Variants in ULK4 observed in about 807,000 individuals in gnomAD.
The protein encoded by ULK4 is unc-51 like kinase 4, also known as inactive serine/threonine-protein kinase ULK4.
A neutral mutation model predicts 160.6 loss-of-function variants in ULK4; 133 were observed. That is an observed-to-expected ratio of 0.83 (90% CI 0.72 to 0.96). The LOEUF (loss-of-function observed/expected upper bound fraction) is 0.96. Ranked by LOEUF, ULK4 falls within the 40% of genes least tolerant of loss-of-function variation. ULK4 has a pLI of 0.00. For missense variants in ULK4, 1,580 were observed against 1,499.5 expected, an observed-to-expected ratio of 1.05 and a Z score of -0.89; for synonymous variants, 534 against 539.8, an observed-to-expected ratio of 0.99 and a Z score of 0.15.
At chr3:41,673,059 C>CA (rs1486909296) in intron 29 of ULK4, among the ~76,000 whole-genome samples, 15 of 152,114 alleles carry the variant, frequency 9.9e-5, no homozygotes, top group Admixed American at 1.3e-4. Flanking sequence ...AGGCTGGTCT[C>CA]AAACTCCTGG....
chr3:41,562,049 T>C (rs6772549), intron 32 of ULK4, among the ~76,000 whole-genome samples: 42,216 of 152,108 alleles, frequency 0.28, 6,290 homozygotes, highest in African/African-American at 0.38. Context: ...CCAGAGATTC[T>C]GGTACGTTGT....
At chr3:41,353,476 G>A (rs1323139897) in intron 35 of ULK4, among the ~76,000 whole-genome samples, 1 of 151,892 alleles carries the variant, frequency 6.6e-6, no homozygotes, top group Non-Finnish European at 1.5e-5. Context: ...ACCACCCTGG[G>A]CAACATAGCG....
chr3:41,537,019 A>G (rs2086525199), intron 32 of ULK4, among the ~76,000 whole-genome samples: 1 of 152,218 alleles, frequency 6.6e-6, no homozygotes, highest in Non-Finnish European at 1.5e-5. Context: ...AGATTGTTTA[A>G]TGTCAATTTG....
chr3:41,946,806 G>A (rs764405121), intron 2 of ULK4, among the ~76,000 whole-genome samples: 1 of 152,062 alleles, frequency 6.6e-6, no homozygotes, highest in South Asian at 2.1e-4. Flanking sequence ...TACAGGAGAG[G>A]GTGGCATTTG....
At chr3:41,569,306 C>T (rs2087890354) in intron 31 of ULK4, among the ~76,000 whole-genome samples, 1 of 152,126 alleles carries the variant, frequency 6.6e-6, no homozygotes, top group Non-Finnish European at 1.5e-5. Flanking sequence ...GTTTTCAGCC[C>T]TCTAATGTTG....
intron 22 of ULK4, among the ~76,000 whole-genome samples, chr3:41,753,885 C>A (rs1307544702): frequency 1.3e-5 from 2 of 152,140 alleles, no homozygotes; most frequent in Non-Finnish European, 1.5e-5. Context: ...AGGAAACTTA[C>A]AACAATGGCA....
chr3:41,581,710 G>C (rs2030356792), intron 31 of ULK4, among the ~76,000 whole-genome samples: 1 of 152,128 alleles, frequency 6.6e-6, no homozygotes, highest in Non-Finnish European at 1.5e-5. Flanking sequence ...TCCCATCCAG[G>C]GCATGGTAGG....
At chr3:41,862,764 A>ACT (rs2042530757) in intron 17 of ULK4, among the ~76,000 whole-genome samples, 1 of 110,960 alleles carries the variant, frequency 9.0e-6, no homozygotes, top group African/African-American at 5.2e-5. Context: ...TCAGTCAGTC[A>ACT]GTCTCTCTCT....
At chr3:41,827,354 C>A (rs145684897) in intron 18 of ULK4, among the ~76,000 whole-genome samples, 37,703 of 150,438 alleles carry the variant, frequency 0.25, 5,893 homozygotes, top group African/African-American at 0.45. Context: ...CCCTTCAAAA[C>A]AATCAGTGAA....
intron 34 of ULK4, among the ~76,000 whole-genome samples, chr3:41,444,037 C>A (rs2083234685): frequency 6.6e-6 from 1 of 152,056 alleles, no homozygotes; most frequent in South Asian, 2.1e-4. Context: ...TTCTGTACTT[C>A]TGATTATTAC....
At chr3:41,852,741 C>T (rs1249675489) in intron 17 of ULK4, among the ~76,000 whole-genome samples, 5 of 152,064 alleles carry the variant, frequency 3.3e-5, no homozygotes, top group African/African-American at 1.2e-4. Context: ...TTGGTGACCT[C>T]GAAATGACCT....
chr3:41,632,797 G>A (rs2033802460), intron 30 of ULK4, among the ~76,000 whole-genome samples: 1 of 151,924 alleles, frequency 6.6e-6, no homozygotes, highest in Non-Finnish European at 1.5e-5. Flanking sequence ...ACAAATTAAG[G>A]CAGAAAGAAC....
At chr3:41,859,245 G>C in intron 17 of ULK4, 1 of 545,142 alleles carries the variant, frequency 1.8e-6, no homozygotes, top group Non-Finnish European at 3.5e-6. Context: ...TGACCAAAAT[G>C]GGCAAGTCAA....
chr3:41,473,661 C>CAAAAAAA lies in ULK4; in HGVS notation c.3227-10409_3227-10408insTTTTTTT, dbSNP rs1294599838. ...TGGGCAACAGAATGAGATTCTGTCT[C>CAAAAAAA]AAAGAAAAAAAAAAAAAAAAAAAGA... On this transcript the variant is annotated intron_variant, in intron 32 of 36. Transcript: ENST00000301831. Among the ~76,000 whole-genome samples, 8 of 25,282 alleles carry CAAAAAAA rather than the reference C, an allele frequency of 3.2e-4. 1 individual carries two copies. The highest frequency in any genetic ancestry group is 9.1e-4 in the African/African-American group (5 of 5,502). 16.6% of individuals were successfully genotyped at this position (25,282 alleles called of 152,430 possible). A position where few individuals can be genotyped will look rare whatever the true frequency, so the allele number is the denominator to read the frequency against.
intron 32 of ULK4, among the ~76,000 whole-genome samples, chr3:41,563,489 G>C (rs924363706): frequency 6.6e-6 from 1 of 152,132 alleles, no homozygotes; most frequent in Non-Finnish European, 1.5e-5. Flanking sequence ...TCACGTTCAG[G>C]TACACCAATC....
chr3:41,253,624 A>G (rs1033810207), intron 35 of ULK4, among the ~76,000 whole-genome samples: 2 of 152,134 alleles, frequency 1.3e-5, no homozygotes, highest in Admixed American at 6.5e-5. Flanking sequence ...AAAACACTGA[A>G]CCTAATCAGA....
At chr3:41,760,595 A>G (rs1207189465) in intron 21 of ULK4, among the ~76,000 whole-genome samples, 1 of 152,198 alleles carries the variant, frequency 6.6e-6, no homozygotes, top group Non-Finnish European at 1.5e-5. Flanking sequence ...TTCCACACAT[A>G]AGTACTTAAT....
At chr3:41,753,028 CACAGT>C (rs2038682350) in intron 22 of ULK4, among the ~76,000 whole-genome samples, 1 of 152,148 alleles carries the variant, frequency 6.6e-6, no homozygotes, top group African/African-American at 2.4e-5. Flanking sequence ...GCCTGGACAA[CACAGT>C]GAGACCCTGT....
chr3:41,351,005 T>C (rs1003936457), intron 35 of ULK4, among the ~76,000 whole-genome samples: 1 of 152,162 alleles, frequency 6.6e-6, no homozygotes, highest in Non-Finnish European at 1.5e-5. Context: ...TGGCAGAAAT[T>C]GAAACAAAAC....
Sources: gnomAD v4.1 joint callset for allele counts (sites outside exome capture counted in the v4.1 genomes callset) on GRCh38, gnomAD v4.1.1 for gene constraint, MANE v1.5 for transcripts, NCBI Gene and HGNC (gene_info 2026-07-23, HGNC 2026-07-21) for gene names.